Variants in TLL1 observed in about 807,000 individuals in gnomAD.
The protein encoded by TLL1 is tolloid like 1, also known as tolloid-like protein 1.
Under a neutral mutation model 128.2 loss-of-function variants are expected in TLL1, and 49 were observed. The observed-to-expected ratio is 0.38, with a 90% CI of 0.30 to 0.48. The LOEUF is 0.48. Among genes scored for constraint, TLL1 ranks in the 20% least tolerant of loss-of-function variants. The probability of loss-of-function intolerance (pLI) is 0.96; values close to 1 mark genes in which losing one functional copy is unlikely to be tolerated. For synonymous variants in TLL1, 454 were observed against 418.8 expected (o/e 1.08, Z -1.03); for missense variants, 1,123 against 1,242.0 (o/e 0.90, Z 1.44).
intron 1 of TLL1, among the ~76,000 whole-genome samples, chr4:165,908,421 T>C (rs1732369996): frequency 6.6e-6 from 1 of 151,652 alleles, no homozygotes; most frequent in African/African-American, 2.4e-5. Context: ...AGAAACCCCA[T>C]CTGTACTAAA....
At chr4:165,877,554 A>G (rs752521278) in intron 1 of TLL1, among the ~76,000 whole-genome samples, 1 of 152,256 alleles carries the variant, frequency 6.6e-6, no homozygotes, top group Non-Finnish European at 1.5e-5. Context: ...TTGTTGTACT[A>G]TAGAAATAAA....
At chr4:166,093,914 G>A (rs1353039505) in intron 19 of TLL1, among the ~76,000 whole-genome samples, 1 of 152,132 alleles carries the variant, frequency 6.6e-6, no homozygotes, top group East Asian at 1.9e-4. Flanking sequence ...ATATGTTTTT[G>A]TGAGCTCAAA....
intron 1 of TLL1, among the ~76,000 whole-genome samples, chr4:165,912,817 G>A (rs1732598694): frequency 6.6e-6 from 1 of 151,636 alleles, no homozygotes; most frequent in African/African-American, 2.4e-5. Flanking sequence ...TATACTTACT[G>A]TTGTGTAAAC....
At chr4:165,992,476 T>C (rs1223471215) in intron 2 of TLL1, among the ~76,000 whole-genome samples, 1 of 152,072 alleles carries the variant, frequency 6.6e-6, no homozygotes, top group African/African-American at 2.4e-5. Flanking sequence ...CAGAACAACT[T>C]GCTGTCATTC....
At chr4:166,076,949 A>T (rs1248923370) in intron 17 of TLL1, among the ~76,000 whole-genome samples, 1 of 152,180 alleles carries the variant, frequency 6.6e-6, no homozygotes, top group Non-Finnish European at 1.5e-5. Flanking sequence ...AATGTTGGGC[A>T]TGTTACCCTT....
chr4:165,972,647 C>G (rs1180225336), intron 1 of TLL1, among the ~76,000 whole-genome samples: 1 of 152,150 alleles, frequency 6.6e-6, no homozygotes, highest in Non-Finnish European at 1.5e-5. Context: ...TATCTCATAA[C>G]TCTCTAAGGG....
intron 5 of TLL1, among the ~76,000 whole-genome samples, chr4:166,000,106 A>G (rs552676845): frequency 4.6e-5 from 7 of 152,304 alleles, no homozygotes; most frequent in African/African-American, 1.7e-4. Context: ...GCTCGATGCT[A>G]CAGGTAGACC....
intron 1 of TLL1, among the ~76,000 whole-genome samples, chr4:165,904,065 A>AT (rs1009562787): frequency 4.0e-5 from 6 of 151,370 alleles, no homozygotes; most frequent in East Asian, 1.9e-4. Context: ...TTATTTTGTA[A>AT]TTTTTTTTTA....
In TLL1 at chr4:166,077,899, G is replaced by A. The variant is rs1464333574; in HGVS notation, c.2315-4G>A. 3.7e-6 allele frequency: 6 copies of A among 1,613,170 alleles called. No homozygotes were observed. The African/African-American group carries it at 4.0e-5, about 11-fold the overall frequency. On this transcript the variant is annotated splice_polypyrimidine_tract_variant and splice_region_variant and intron_variant, in intron 17 of 20. Transcript: ENST00000061240. ...ACTGTCTGATATTATGGTTATTGGT[G>A]CAGCTGAGTGTGAACAGAAGATCCA...
chr4:165,976,004 C>G lies in TLL1; in HGVS notation c.170-13377C>G, dbSNP rs902666157. ...AGTAAGCTCAGAACATACTACTGCA[C>G]AGCCTGGGTAACAGAGTGAGATTCC... On this transcript the variant is annotated intron_variant, in intron 1 of 20. Coordinates refer to ENST00000061240, the MANE Select transcript of TLL1 (RefSeq NM_012464.5). Among the ~76,000 whole-genome samples, 50 of 128,964 alleles carry G rather than the reference C, an allele frequency of 3.9e-4. No individual in the cohort carries two copies. The Middle Eastern group carries it at 0.021, about 53-fold the overall frequency. The allele number at this position is 128,964 out of a possible 152,430, so 84.6% of individuals were successfully genotyped here.
chr4:165,887,858 T>A (rs1731232535), intron 1 of TLL1, among the ~76,000 whole-genome samples: 1 of 152,182 alleles, frequency 6.6e-6, no homozygotes, highest in Non-Finnish European at 1.5e-5. Context: ...TTTTTATCTG[T>A]AATTTGTGCC....
chr4:166,073,799 T>C (rs1048859763), intron 16 of TLL1, among the ~76,000 whole-genome samples: 53 of 152,220 alleles, frequency 3.5e-4, no homozygotes, highest in African/African-American at 1.3e-3. Flanking sequence ...ATTGAATTGA[T>C]AAAAAAGCAA....
chr4:166,083,963 A>T (rs1346771113), intron 18 of TLL1, among the ~76,000 whole-genome samples: 2 of 152,170 alleles, frequency 1.3e-5, no homozygotes, highest in African/African-American at 4.8e-5. Context: ...AGGAGACTCC[A>T]TACTTTTTTC....
chr4:166,014,473 G>A lies in TLL1; in HGVS notation c.955G>A (p.Asp319Asn). 1 of 1,612,352 alleles carries A rather than the reference G, an allele frequency of 6.2e-7. No homozygotes were observed. Among genetic ancestry groups the A allele is most frequent in the Non-Finnish European group, 8.5e-7 (1 of 1,178,780 alleles). ...FLDTILPSRD[D>N]NGIRPAIGQR... ...GGATACCATTCTCCCCTCCCGTGATGATAATGGCATACGTCCTGCAATTGG... is the reference window on the plus strand; with the variant it reads ...GGATACCATTCTCCCCTCCCGTGATAATAATGGCATACGTCCTGCAATTGG... The change falls in exon 8 of 21, where the codon GAT (aspartate) becomes AAT (asparagine). Residue 319 changes from aspartate (D) to asparagine (N), a missense_variant. By Grantham distance (23) the Asp-to-Asn change is conservative (BLOSUM62 1). Coordinates refer to ENST00000061240, the MANE Select transcript of TLL1 (RefSeq NM_012464.5).
At chr4:165,956,747 G>C (rs1734817959) in intron 1 of TLL1, among the ~76,000 whole-genome samples, 1 of 152,084 alleles carries the variant, frequency 6.6e-6, no homozygotes, top group African/African-American at 2.4e-5. Context: ...AGGGTTAAGA[G>C]ATTAAAGTAA....
At chr4:166,088,843 C>G (rs1298244166) in intron 18 of TLL1, among the ~76,000 whole-genome samples, 2 of 152,058 alleles carry the variant, frequency 1.3e-5, no homozygotes, top group Non-Finnish European at 2.9e-5. Context: ...TTCTGTTAAG[C>G]AGATGTTATG....
At chr4:165,942,686 C>T (rs955345166) in intron 1 of TLL1, among the ~76,000 whole-genome samples, 2 of 151,154 alleles carry the variant, frequency 1.3e-5, no homozygotes, top group Admixed American at 6.6e-5. Flanking sequence ...TTAGCTTCTG[C>T]TTCTTCCATT....
intron 1 of TLL1, among the ~76,000 whole-genome samples, chr4:165,940,735 A>T (rs1733969544): frequency 2.0e-5 from 3 of 152,162 alleles, no homozygotes; most frequent in South Asian, 2.1e-4. Context: ...GAAAGATATG[A>T]TGAGGATATG....
chr4:165,905,923 C>A (rs931796184), intron 1 of TLL1, among the ~76,000 whole-genome samples: 2 of 152,090 alleles, frequency 1.3e-5, no homozygotes, highest in African/African-American at 4.8e-5. Flanking sequence ...GAGGCAGATA[C>A]CATCATTACG....
Sources: allele counts gnomAD v4.1 joint callset (sites outside exome capture counted in the v4.1 genomes callset), GRCh38; gene constraint gnomAD v4.1.1; transcripts MANE v1.5; gene names NCBI Gene and HGNC (gene_info 2026-07-23, HGNC 2026-07-21).